ATXN7L1: variants seen among roughly 807,000 people sequenced by gnomAD.
The protein encoded by ATXN7L1 is ataxin 7 like 1, also known as ataxin-7-like protein 1.
ATXN7L1 carries 15 observed loss-of-function variants against 70.8 expected under a neutral mutation model. The ratio of observed to expected loss-of-function variants is 0.21; its 90% confidence interval spans 0.14 to 0.33. The LOEUF (loss-of-function observed/expected upper bound fraction) is 0.33. Ranked by LOEUF, ATXN7L1 falls within the 10% of genes least tolerant of loss-of-function variation. The pLI, the probability that ATXN7L1 is intolerant of heterozygous loss-of-function variation, is 1.00. For missense variants in ATXN7L1, 975 were observed against 1,097.1 expected, an observed-to-expected ratio of 0.89 and a Z score of 1.57; for synonymous variants, 440 against 445.1, an observed-to-expected ratio of 0.99 and a Z score of 0.14.
At chr7:105,724,661 G>T (rs556236910) in intron 3 of ATXN7L1, among the ~76,000 whole-genome samples, 1 of 151,490 alleles carries the variant, frequency 6.6e-6, no homozygotes, top group African/African-American at 2.4e-5. Context: ...GGCCGAGGCG[G>T]GCGGATCACC....
chr7:105,856,442 G>A lies in ATXN7L1; in HGVS notation c.250+19370C>T, dbSNP rs576142686. Among the ~76,000 whole-genome samples, 20 of 151,894 alleles carry A rather than the reference G, an allele frequency of 1.3e-4. No individual in the cohort carries two copies. The South Asian group carries it at 2.1e-3, about 16-fold the overall frequency. Reference sequence around the variant, plus strand: ...TTCTATTAAAAATACAAAAATTAGCGGGGCATGGTGGCAGGAGCCTGTAAT... The same window carrying A: ...TTCTATTAAAAATACAAAAATTAGCAGGGCATGGTGGCAGGAGCCTGTAAT... On this transcript the variant is annotated intron_variant, in intron 2 of 11. Coordinates refer to ENST00000419735, the MANE Select transcript of ATXN7L1 (RefSeq NM_020725.2).
At chr7:105,870,785 T>G (rs1290905349) in intron 2 of ATXN7L1, among the ~76,000 whole-genome samples, 1 of 152,196 alleles carries the variant, frequency 6.6e-6, no homozygotes, top group African/African-American at 2.4e-5. Context: ...ATAAACACCT[T>G]TCACAGATTA....
At chr7:105,727,777 T>TATATATATATATATACAC (rs1462125950) in intron 3 of ATXN7L1, among the ~76,000 whole-genome samples, 279 of 90,066 alleles carry the variant, frequency 3.1e-3, no homozygotes, top group East Asian at 4.7e-3. Flanking sequence ...TATATATATA[T>TATATATATATATATACAC]ACACACACAT....
intron 2 of ATXN7L1, among the ~76,000 whole-genome samples, chr7:105,820,274 C>T (rs1809941832): frequency 1.3e-5 from 2 of 152,088 alleles, no homozygotes; most frequent in Admixed American, 1.3e-4. Flanking sequence ...GTACCTATCA[C>T]CAGCAAGTCA....
chr7:105,804,918 G>A (rs913517736), intron 2 of ATXN7L1, among the ~76,000 whole-genome samples: 1 of 152,188 alleles, frequency 6.6e-6, no homozygotes, highest in Non-Finnish European at 1.5e-5. Context: ...AAAGAGGACG[G>A]CAGCTGGGAG....
At chr7:105,734,174 C>T (rs575938102) in intron 3 of ATXN7L1, among the ~76,000 whole-genome samples, 13 of 151,064 alleles carry the variant, frequency 8.6e-5, no homozygotes, top group Non-Finnish European at 1.9e-4. Context: ...GGGTTTGAGA[C>T]CTCTGGTCAG....
At chr7:105,792,567 T>C (rs908736413) in intron 2 of ATXN7L1, among the ~76,000 whole-genome samples, 7 of 152,162 alleles carry the variant, frequency 4.6e-5, no homozygotes, top group African/African-American at 7.2e-5. Context: ...TCTCTTTCCT[T>C]CCCTCTCTCT....
At chr7:105,856,396 G>A (rs767467957) in intron 2 of ATXN7L1, among the ~76,000 whole-genome samples, 2 of 152,064 alleles carry the variant, frequency 1.3e-5, no homozygotes, top group African/African-American at 2.4e-5. Flanking sequence ...GACCAGCCTG[G>A]CCAACATGGT....
At chr7:105,625,623 A>AT (rs1365689388) in intron 7 of ATXN7L1, among the ~76,000 whole-genome samples, 2 of 152,208 alleles carry the variant, frequency 1.3e-5, no homozygotes, top group African/African-American at 4.8e-5. Flanking sequence ...CTAAAGAGAT[A>AT]TTTTTTTCAA....
chr7:105,778,820 A>G (rs1465768339), intron 3 of ATXN7L1, among the ~76,000 whole-genome samples: 1 of 152,172 alleles, frequency 6.6e-6, no homozygotes, highest in Non-Finnish European at 1.5e-5. Flanking sequence ...TTTTGCTTTC[A>G]TGTATTTAAA....
chr7:105,828,700 TAGA>T (rs1164331695), intron 2 of ATXN7L1, among the ~76,000 whole-genome samples: 1 of 152,212 alleles, frequency 6.6e-6, no homozygotes, highest in Non-Finnish European at 1.5e-5. Flanking sequence ...TCTCATTTTA[TAGA>T]AGAAGAGGCT....
chr7:105,837,450 T>TG (rs949500753), intron 2 of ATXN7L1, among the ~76,000 whole-genome samples: 1 of 137,436 alleles, frequency 7.3e-6, no homozygotes, highest in Non-Finnish European at 1.6e-5. Context: ...AGTTAAAATG[T>TG]GAAAAAAAAA....
chr7:105,686,009 T>C (rs1411565276), intron 3 of ATXN7L1, among the ~76,000 whole-genome samples: 1 of 152,144 alleles, frequency 6.6e-6, no homozygotes, highest in Non-Finnish European at 1.5e-5. Context: ...GCCAAACACA[T>C]GCCTCTGAGA....
At chr7:105,747,618 G>A (rs951580818) in intron 3 of ATXN7L1, among the ~76,000 whole-genome samples, 1 of 152,240 alleles carries the variant, frequency 6.6e-6, no homozygotes, top group Non-Finnish European at 1.5e-5. Flanking sequence ...CTTGAAGCCA[G>A]TAGGCCAGAA....
At chr7:105,820,126 CAAAAAAAAAAAAAA>C (rs562797891) in intron 2 of ATXN7L1, 11 of 64,308 alleles carry the variant, frequency 1.7e-4, no homozygotes, top group East Asian at 3.6e-4. Flanking sequence ...GTTTATTCCT[CAAAAAAAAAAAAAA>C]AAAAAAAAAA....
Position 105,788,850 on chromosome 7 carries a change from G to A in ATXN7L1, c.251-142C>T, listed in dbSNP as rs566953821. 5.3e-4 allele frequency: 358 copies of A among 681,192 alleles called. 1 individual carries two copies. The South Asian group carries it at 5.8e-3, about 11-fold the overall frequency. 42.2% of individuals were successfully genotyped at this position (681,192 alleles called of 1,614,324 possible). On this transcript the variant is annotated intron_variant, in intron 2 of 11. Transcript: ENST00000419735. ...CAATAATCTTTACTAACGGGAACTCGGTTTGTCATAAGGCAACTCCCCGCC... is the reference window on the plus strand; with the variant it reads ...CAATAATCTTTACTAACGGGAACTCAGTTTGTCATAAGGCAACTCCCCGCC...
At chr7:105,745,429 G>A (rs1454640366) in intron 3 of ATXN7L1, among the ~76,000 whole-genome samples, 2 of 152,194 alleles carry the variant, frequency 1.3e-5, no homozygotes, top group South Asian at 4.1e-4. Context: ...GGCCGTGTAC[G>A]GGAATTCCGT....
At chr7:105,683,784 GCT>G (rs1805840904) in intron 3 of ATXN7L1, among the ~76,000 whole-genome samples, 1 of 152,042 alleles carries the variant, frequency 6.6e-6, no homozygotes, top group African/African-American at 2.4e-5. Context: ...GGCTCCACTA[GCT>G]ATTTACAAAT....
intron 2 of ATXN7L1, among the ~76,000 whole-genome samples, chr7:105,867,076 A>G (rs1437305949): frequency 6.6e-6 from 1 of 152,238 alleles, no homozygotes; most frequent in African/African-American, 2.4e-5. Context: ...ATTCTGCAGC[A>G]GAGACGGCAG....
Sources: gnomAD v4.1 joint callset for allele counts (sites outside exome capture counted in the v4.1 genomes callset) on GRCh38, gnomAD v4.1.1 for gene constraint, MANE v1.5 for transcripts, NCBI Gene and HGNC (gene_info 2026-07-23, HGNC 2026-07-21) for gene names.